RLF: variants seen among roughly 807,000 people sequenced by gnomAD.
RLF encodes the protein zinc finger protein Rlf.
In RLF, 7 loss-of-function variants were observed where a neutral mutation model predicts 162.9. The ratio of observed to expected loss-of-function variants is 0.04; its 90% CI spans 0.02 to 0.08. The LOEUF (loss-of-function observed/expected upper bound fraction) is 0.08, where lower values mean the gene tolerates loss of function less well. RLF is among the 10% of genes least tolerant of loss of function. The pLI, the probability that RLF is intolerant of heterozygous loss-of-function variation, is 1.00. For missense variants in RLF, 1,664 were observed against 2,244.7 expected (o/e 0.74, Z 5.23); for synonymous variants, 782 against 791.5 (o/e 0.99, Z 0.20).
intron 1 of RLF, among the ~76,000 whole-genome samples, chr1:40,163,869 A>G (rs936523568): frequency 6.6e-6 from 1 of 152,200 alleles, no homozygotes; most frequent in Non-Finnish European, 1.5e-5. Context: ...AATTTATCAT[A>G]TTTTTGACAC....
At position 40,237,751 on chromosome 1, in the gene RLF, G is replaced by C; in HGVS notation, c.3049G>C (p.Asp1017His). Reference sequence around the variant, plus strand: ...GGATGCAGAACCTAAACCCTGCTCAGATACAAACAGTGACTCCCCAGATGA... The same window carrying C: ...GGATGCAGAACCTAAACCCTGCTCACATACAAACAGTGACTCCCCAGATGA... ...KLDAEPKPCSDTNSDSPDEGL... is the reference protein window; with the variant it reads ...KLDAEPKPCSHTNSDSPDEGL... The change falls in exon 8 of 8, where the codon GAT becomes CAT. Residue 1017 changes from aspartate (D) to histidine (H), a missense_variant. Transcript: ENST00000372771. The surrounding 1 kb of genome is among the most constrained non-coding windows in gnomAD (Gnocchi z 4.4). The C allele has an allele frequency of 1.9e-6, 3 of 1,614,062 alleles. No individual in the cohort carries two copies. The highest frequency in any genetic ancestry group is 2.5e-6 in the Non-Finnish European group (3 of 1,180,000).
chr1:40,195,553 G>T (rs1390745735), intron 3 of RLF, 79 bp from the exon 4 acceptor site: 2 of 1,129,744 alleles, frequency 1.8e-6, no homozygotes, highest in African/African-American at 1.6e-5. Context: ...CAATTCCTAG[G>T]TGTATCAGAT....
intron 1 of RLF, among the ~76,000 whole-genome samples, chr1:40,169,669 T>G (rs1280268563): frequency 6.7e-6 from 1 of 150,256 alleles, no homozygotes; most frequent in Non-Finnish European, 1.5e-5. Context: ...AAATAAGGGT[T>G]CTATGTTCAT....
At chr1:40,171,420 G>T (rs1642243835) in intron 1 of RLF, among the ~76,000 whole-genome samples, 1 of 152,126 alleles carries the variant, frequency 6.6e-6, no homozygotes, top group African/African-American at 2.4e-5. Context: ...TTTGTTATAA[G>T]AATTGTTATT....
At chr1:40,182,930 G>T (rs1642426639) in intron 1 of RLF, among the ~76,000 whole-genome samples, 1 of 152,134 alleles carries the variant, frequency 6.6e-6, no homozygotes, top group Non-Finnish European at 1.5e-5. Flanking sequence ...CTTTCTGGTT[G>T]TAAGCAGCCA....
intron 1 of RLF, among the ~76,000 whole-genome samples, chr1:40,175,877 A>G (rs190713779): frequency 6.6e-6 from 1 of 151,708 alleles, no homozygotes; most frequent in African/African-American, 2.4e-5. Context: ...CATCATCCCT[A>G]GAAGTTTCTT....
intron 4 of RLF, among the ~76,000 whole-genome samples, chr1:40,199,185 G>GT (rs975613169): frequency 3.3e-5 from 5 of 152,194 alleles, no homozygotes; most frequent in Non-Finnish European, 5.9e-5. Flanking sequence ...ACGTTAAAAT[G>GT]TTTTTGATTG....
intron 5 of RLF, among the ~76,000 whole-genome samples, chr1:40,204,273 C>T (rs1164186102): frequency 2.6e-5 from 4 of 152,060 alleles, no homozygotes; most frequent in African/African-American, 7.2e-5. Context: ...CCTCGGCCTC[C>T]CAAAGTGCTG....
rs954012959 is a variant in RLF at position 40,192,630 on chromosome 1, A to T, written c.474+1777A>T. On this transcript the variant is annotated intron_variant, in intron 3 of 7. Coordinates refer to ENST00000372771, the MANE Select transcript of RLF (RefSeq NM_012421.4). ...TTGCATAAGCTTTTTCAGGTTTATC[A>T]GATGTGTAGGATATATTTTTTAACA... Among the ~76,000 whole-genome samples, 4 of 152,268 alleles carry T rather than the reference A, an allele frequency of 2.6e-5. No homozygotes were observed. In the East Asian group the frequency reaches 7.7e-4, roughly 29 times the overall value.
intron 7 of RLF, among the ~76,000 whole-genome samples, chr1:40,232,375 CA>C (rs1268814415): frequency 1.3e-5 from 2 of 152,048 alleles, no homozygotes; most frequent in African/African-American, 4.8e-5. Flanking sequence ...ATACTTAAAA[CA>C]ATGTCCGTTT....
chr1:40,237,533 G>A lies in RLF; in HGVS notation c.2831G>A (p.Ser944Asn), dbSNP rs752982991. 3 of 1,614,094 alleles carry A rather than the reference G, an allele frequency of 1.9e-6. No homozygotes were observed. In the South Asian group the frequency reaches 3.3e-5, roughly 18 times the overall value. Reference protein sequence around the residue: ...GPSSLKEKCSSMAVCFDGTKF... With the variant: ...GPSSLKEKCSNMAVCFDGTKF... ...TCCAGTTTAAAAGAAAAATGTTCCA[G>A]TATGGCAGTTTGTTTTGACGGGACT... The change falls in exon 8 of 8, where the codon AGT becomes AAT. Residue 944 changes from serine (S) to asparagine (N), a missense_variant. Ser to Asn is a conservative substitution (Grantham distance 46). Coordinates refer to ENST00000372771, the MANE Select transcript of RLF (RefSeq NM_012421.4). The surrounding 1 kb of genome is among the most constrained non-coding windows in gnomAD (Gnocchi z 4.4).
At chr1:40,188,960 G>T in intron 1 of RLF, 95 bp from the exon 2 acceptor site, 1 of 779,298 alleles carries the variant, frequency 1.3e-6, no homozygotes, top group Non-Finnish European at 1.9e-6. Context: ...GCATCTGTTA[G>T]AAAAAAAATG....
rs1642083099 is a variant in RLF, at chr1:40,161,503, G to A, written c.104G>A (p.Arg35Gln). 3.7e-6 allele frequency: 6 copies of A among 1,604,482 alleles called. No individual in the cohort carries two copies. The East Asian group carries it at 9.2e-5, about 25-fold the overall frequency. The change falls in exon 1 of 8, where the codon CGG (arginine) becomes CAG (glutamine). Residue 35 changes from arginine to glutamine, a missense_variant. By Grantham distance (43) the Arg-to-Gln change is conservative. Coordinates refer to ENST00000372771, the MANE Select transcript of RLF (RefSeq NM_012421.4). This position sits in a 1 kb window ranked among gnomAD's most constrained non-coding sequence, Gnocchi z 4.4. ...GGAGTCGAGACTGAGTCCATGGTTC[G>A]GGGTCATCGCCCCGTATCTCCAGCG... ...GDGVETESMV[R>Q]GHRPVSPAPG...
chr1:40,195,871 GT>G, intron 4 of RLF, 107 bp downstream of exon 4: 1 of 969,328 alleles, frequency 1.0e-6, no homozygotes, highest in Non-Finnish European at 1.5e-6. Context: ...TAGTCTTTCT[GT>G]TTTTACTTTG....
intron 1 of RLF, among the ~76,000 whole-genome samples, chr1:40,171,672 A>G (rs1642246808): frequency 1.3e-5 from 2 of 152,188 alleles, no homozygotes; most frequent in South Asian, 4.1e-4. Flanking sequence ...TTAGATAGTG[A>G]AAGTACCATA....
At chr1:40,172,117 G>C (rs1400335783) in intron 1 of RLF, among the ~76,000 whole-genome samples, 2 of 152,062 alleles carry the variant, frequency 1.3e-5, no homozygotes, top group Non-Finnish European at 2.9e-5. Context: ...AAATTCTACA[G>C]GTAGCAACAC....
chr1:40,215,885 A>C (rs1450721203), intron 5 of RLF, among the ~76,000 whole-genome samples: 1 of 152,038 alleles, frequency 6.6e-6, no homozygotes, highest in Non-Finnish European at 1.5e-5. Context: ...AAACTAGAAA[A>C]AGAAGAGCAA....
At chr1:40,163,956 A>G (rs12120029) in intron 1 of RLF, among the ~76,000 whole-genome samples, 28,497 of 152,148 alleles carry the variant, frequency 0.19, 2,821 homozygotes, top group Non-Finnish European at 0.21. Context: ...TTGTATGAAG[A>G]AGCAGGAAAA....
At chr1:40,216,487 T>TAA (rs59858431) in intron 5 of RLF, among the ~76,000 whole-genome samples, 3 of 128,958 alleles carry the variant, frequency 2.3e-5, no homozygotes, top group Admixed American at 8.0e-5. Context: ...AAACTCTGTC[T>TAA]AAAAAAAAAA....
Sources: allele counts gnomAD v4.1 joint callset (sites outside exome capture counted in the v4.1 genomes callset), GRCh38; gene constraint gnomAD v4.1.1; non-coding constraint Gnocchi (gnomAD v3.1); transcripts MANE v1.5; gene names NCBI Gene and HGNC (gene_info 2026-07-23, HGNC 2026-07-21).